The following BTBD8 variants were observed in gnomAD, a reference collection of about 807,000 sequenced individuals.
The protein encoded by BTBD8 is BTB/POZ domain-containing protein 8.
Under a neutral mutation model 162.9 loss-of-function variants are expected in BTBD8, and 110 were observed. The ratio of observed to expected loss-of-function variants is 0.68; its 90% CI spans 0.58 to 0.79. The LOEUF (loss-of-function observed/expected upper bound fraction) is 0.79. BTBD8 is among the 30% of genes least tolerant of loss of function. The pLI, the probability that BTBD8 is intolerant of heterozygous loss-of-function variation, is 0.00. For missense variants in BTBD8, 1,905 were observed against 2,085.4 expected, an observed-to-expected ratio of 0.91 and a Z score of 1.68; for synonymous variants, 667 against 716.1, an observed-to-expected ratio of 0.93 and a Z score of 1.10.
intron 2 of BTBD8, among the ~76,000 whole-genome samples, chr1:92,093,153 G>A (rs1265273254): frequency 6.7e-6 from 1 of 149,266 alleles, no homozygotes; most frequent in Non-Finnish European, 1.5e-5. Context: ...TTCAGTACAG[G>A]TTATATAGGC....
At chr1:92,091,481 G>T (rs533006265) in intron 2 of BTBD8, among the ~76,000 whole-genome samples, 9 of 152,094 alleles carry the variant, frequency 5.9e-5, no homozygotes, top group Non-Finnish European at 1.2e-4. Context: ...ATGTGTGTGT[G>T]TATGTATATA....
chr1:92,126,504 T>TA, intron 4 of BTBD8: 1 of 483,838 alleles, frequency 2.1e-6, no homozygotes, highest in Non-Finnish European at 3.6e-6. Flanking sequence ...CTCTCCTCAA[T>TA]CCTCTTCACT....
intron 9 of BTBD8, among the ~76,000 whole-genome samples, chr1:92,149,994 A>C (rs1202023230): frequency 6.6e-6 from 1 of 152,164 alleles, no homozygotes; most frequent in Non-Finnish European, 1.5e-5. Context: ...AATTCAAACT[A>C]CACCATCAGA....
intron 7 of BTBD8, among the ~76,000 whole-genome samples, chr1:92,142,963 T>C (rs1167400564): frequency 6.6e-6 from 1 of 152,214 alleles, no homozygotes; most frequent in Non-Finnish European, 1.5e-5. Context: ...GATCAGACCA[T>C]GCTCTACTCT....
Position 92,181,156 on chromosome 1 carries a change from A to C in BTBD8, c.3473A>C (p.Asn1158Thr), listed in dbSNP as rs961148491. The stretch of plus-strand genomic sequence containing the variant: ...CCTGAAAGGACAAATGGTACCTTAA[A>C]TTCTGCTCAAGAAGACAAAAAATCG... ...CNPERTNGTLNSAQEDKKSKV... is the reference protein window; with the variant it reads ...CNPERTNGTLTSAQEDKKSKV... The change falls in exon 17 of 18, where the codon AAT becomes ACT. Residue 1158 changes from asparagine to threonine, a missense_variant. Around this residue, in one of 3 missense-constraint regions of BTBD8, gnomAD observed 1,374 missense variants for 1,442.7 expected, o/e 0.95. Transcript: ENST00000636805. 38 of 1,551,542 alleles carry C rather than the reference A, an allele frequency of 2.4e-5. No individual in the cohort carries two copies. Among genetic ancestry groups the C allele is most frequent in the Non-Finnish European group, 3.3e-5 (38 of 1,147,000 alleles).
chr1:92,119,893 CTTTTTTTTTTTTTT>C (rs58297367), intron 4 of BTBD8, among the ~76,000 whole-genome samples: 3 of 58,388 alleles, frequency 5.1e-5, no homozygotes, highest in Admixed American at 3.1e-4. Flanking sequence ...CGGCCCTTTT[CTTTTTTTTTTTTTT>C]TTTTTTTTTT....
In BTBD8 at chr1:92,096,470, G is replaced by A. The variant is rs549568658; in HGVS notation, c.348-6003G>A. On this transcript the variant is annotated intron_variant, in intron 2 of 17. Transcript: ENST00000636805. ...TTCTGCATTCACACAGCTGAATGTG[G>A]CTGGGAAAACACACAGTCATGCTAA... 3.3e-5 allele frequency among the ~76,000 whole-genome samples: 5 copies of A among 151,916 alleles called. No homozygotes were observed. In the East Asian group the frequency reaches 9.7e-4, roughly 29 times the overall value.
chr1:92,096,161 G>C (rs1158321019), intron 2 of BTBD8, among the ~76,000 whole-genome samples: 2 of 152,006 alleles, frequency 1.3e-5, no homozygotes, highest in African/African-American at 4.8e-5. Context: ...AGTAGAAACG[G>C]GTTCGCCATG....
intron 9 of BTBD8, among the ~76,000 whole-genome samples, chr1:92,162,310 A>G (rs1483205778): frequency 6.6e-6 from 1 of 152,206 alleles, no homozygotes; most frequent in Non-Finnish European, 1.5e-5. Flanking sequence ...GCAATTCTGA[A>G]CCTGTGCAAA....
At chr1:92,173,025 A>G (rs1361924356) in intron 13 of BTBD8, among the ~76,000 whole-genome samples, 1 of 152,156 alleles carries the variant, frequency 6.6e-6, no homozygotes, top group Non-Finnish European at 1.5e-5. Context: ...TCCCAGGTTC[A>G]AGCAGTTCTC....
At chr1:92,113,178 A>G (rs1222243816) in intron 4 of BTBD8, among the ~76,000 whole-genome samples, 1 of 152,236 alleles carries the variant, frequency 6.6e-6, no homozygotes, top group Non-Finnish European at 1.5e-5. Context: ...CATCTACAGC[A>G]TTATTTTTAA....
chr1:92,110,461 G>T (rs951044238), intron 4 of BTBD8, among the ~76,000 whole-genome samples: 1 of 152,150 alleles, frequency 6.6e-6, no homozygotes, highest in Non-Finnish European at 1.5e-5. Context: ...TACCTGATTA[G>T]CCTTCATGGA....
chr1:92,096,846 A>G (rs1284916973), intron 2 of BTBD8, among the ~76,000 whole-genome samples: 2 of 152,152 alleles, frequency 1.3e-5, no homozygotes, highest in African/African-American at 2.4e-5. Flanking sequence ...CCAATCACCT[A>G]TATTTCCCTA....
At chr1:92,126,302 A>G (rs967859644) in intron 4 of BTBD8, 40 of 600,554 alleles carry the variant, frequency 6.7e-5, no homozygotes, top group Non-Finnish European at 1.3e-4. Flanking sequence ...ATTTTGGTGA[A>G]TTTGCATTCC....
intron 3 of BTBD8, among the ~76,000 whole-genome samples, chr1:92,103,453 A>G (rs746028037): frequency 6.6e-6 from 1 of 151,926 alleles, no homozygotes; most frequent in Non-Finnish European, 1.5e-5. Context: ...CTGACAGGAA[A>G]CCTGAGGTCC....
chr1:92,131,457 C>A (rs1319359440), intron 5 of BTBD8, among the ~76,000 whole-genome samples: 11 of 152,158 alleles, frequency 7.2e-5, no homozygotes, highest in Non-Finnish European at 1.5e-4. Context: ...GGCACGGTGG[C>A]TCCCACCTGT....
chr1:92,095,909 C>A (rs1648438753), intron 2 of BTBD8, among the ~76,000 whole-genome samples: 1 of 152,258 alleles, frequency 6.6e-6, no homozygotes, highest in South Asian at 2.1e-4. Flanking sequence ...TTCTAGCTTA[C>A]TCCCTTTAGG....
chr1:92,147,574 A>G lies in BTBD8; in HGVS notation c.1020-110A>G, dbSNP rs1370009283. ...TTTTAGGGTTCATAAAATTAATAGT[A>G]TTAGTCAGGTCATATATATGTACAG... On this transcript the variant is annotated intron_variant, in intron 8 of 17. Transcript: ENST00000636805. 10 of 755,696 alleles carry G rather than the reference A, an allele frequency of 1.3e-5. No homozygotes were observed. In the East Asian group the frequency reaches 2.1e-4, roughly 16 times the overall value. 46.8% of individuals were successfully genotyped at this position (755,696 alleles called of 1,614,324 possible). A position where few individuals can be genotyped will look rare whatever the true frequency, so the allele number is the denominator to read the frequency against.
chr1:92,140,994 G>T (rs1649763181), intron 6 of BTBD8, 121 bp from the exon 7 acceptor site: 1 of 1,097,214 alleles, frequency 9.1e-7, no homozygotes, highest in East Asian at 3.4e-5. Flanking sequence ...CAGAAAATTA[G>T]AATTAAAATA....
Sources: allele counts gnomAD v4.1 joint callset (sites outside exome capture counted in the v4.1 genomes callset), GRCh38; gene constraint gnomAD v4.1.1; regional missense constraint gnomAD v4.1.1; transcripts MANE v1.5; gene names NCBI Gene and HGNC (gene_info 2026-07-23, HGNC 2026-07-21).